Variants in LRRC43 observed in about 807,000 individuals in gnomAD.
LRRC43 encodes leucine rich repeat containing 43, also known as leucine-rich repeat-containing protein 43.
Under a neutral mutation model 64.3 loss-of-function variants are expected in LRRC43, and 62 were observed. The ratio of observed to expected loss-of-function variants is 0.96; its 90% CI spans 0.79 to 1.19. The LOEUF is 1.19. Among genes scored for constraint, LRRC43 ranks in the 50% most tolerant of loss-of-function variants. LRRC43 has a pLI of 0.00. For synonymous variants in LRRC43, 422 were observed against 382.3 expected (o/e 1.10, Z -1.21); for missense variants, 868 against 845.0 (o/e 1.03, Z -0.34).
intron 3 of LRRC43, among the ~76,000 whole-genome samples, chr12:122,186,657 A>G (rs980238926): frequency 2.6e-5 from 4 of 152,264 alleles, no homozygotes; most frequent in East Asian, 1.9e-4. Context: ...GGTGGCTCAC[A>G]CCTGTAATCC....
chr12:122,184,699 T>G lies in LRRC43; in HGVS notation c.331T>G (p.Leu111Val). ...SNAEDSFLRE[L>V]AIRNPLTITD... ...TGCAGAAGACAGTTTCCTGAGAGAA[T>G]TGGCCATCCGGAACCCGCTGACGAT... The change falls in exon 2 of 12, where the codon TTG becomes GTG. Residue 111 changes from leucine (L) to valine (V), a missense_variant. Transcript: ENST00000339777. This position sits in a 1 kb window ranked among gnomAD's most constrained non-coding sequence, Gnocchi z 4.0. 1 of 1,613,920 alleles carries G rather than the reference T, an allele frequency of 6.2e-7. No individual in the cohort carries two copies. The highest frequency in any genetic ancestry group is 1.1e-5 in the South Asian group (1 of 91,060).
Position 122,200,407 on chromosome 12 carries a change from C to G in LRRC43, c.1491+77C>G, listed in dbSNP as rs745320784. The G allele has an allele frequency of 6.0e-5, 96 of 1,607,408 alleles. No homozygotes were observed. Among genetic ancestry groups the G allele is most frequent in the Non-Finnish European group, 8.2e-5 (96 of 1,176,326 alleles). On this transcript the variant is annotated intron_variant, in intron 8 of 11. Coordinates refer to ENST00000339777, the MANE Select transcript of LRRC43 (RefSeq NM_001098519.2). The surrounding 1 kb of genome is among the most constrained non-coding windows in gnomAD (Gnocchi z 4.6). ...TGTTCCTGTTCCCATCGGGCTGTCC[C>G]CCATGGGAGCCGCACTCCCTGGTTA...
upstream of LRRC43, among the ~76,000 whole-genome samples, chr12:122,181,520 A>G (rs1191155161): frequency 6.7e-6 from 1 of 148,790 alleles, no homozygotes; most frequent in Non-Finnish European, 1.5e-5. Context: ...TCCAGCCTGG[A>G]CGGCAGAGGG....
chr12:122,200,984 A>G lies in LRRC43; in HGVS notation c.1809+50A>G. ...CTCCACCTCTGCCTTCGCCCTCCCC[A>G]TGGGAACCCCGCGGGCAAGCAAGGG... On this transcript the variant is annotated intron_variant, in intron 10 of 11. Coordinates refer to ENST00000339777, the MANE Select transcript of LRRC43 (RefSeq NM_001098519.2). The surrounding 1 kb of genome is among the most constrained non-coding windows in gnomAD (Gnocchi z 4.6). 1.3e-6 allele frequency: 2 copies of G among 1,530,002 alleles called. No homozygotes were observed. The highest frequency in any genetic ancestry group is 1.8e-6 in the Non-Finnish European group (2 of 1,138,586). 94.8% of individuals were successfully genotyped at this position (1,530,002 alleles called of 1,614,324 possible). A position where few individuals can be genotyped will look rare whatever the true frequency, so the allele number is the denominator to read the frequency against.
chr12:122,172,457 G>A (rs759993080), intron 1 of LRRC43: 18 of 1,613,972 alleles, frequency 1.1e-5, no homozygotes, highest in South Asian at 3.3e-5. Context: ...ATTTTAGTGC[G>A]AGGTCCATGC....
intron 1 of LRRC43, among the ~76,000 whole-genome samples, chr12:122,171,203 G>A (rs1183537715): frequency 2.0e-5 from 3 of 152,276 alleles, no homozygotes; most frequent in South Asian, 4.1e-4. Flanking sequence ...ACCACTGCCC[G>A]GGGAGGGTCA....
Position 122,203,404 on chromosome 12 carries a change from C to A in LRRC43, c.1933C>A (p.Arg645Ser). 2 of 1,612,314 alleles carry A rather than the reference C, an allele frequency of 1.2e-6. No individual in the cohort carries two copies. Among genetic ancestry groups the A allele is most frequent in the Non-Finnish European group, 1.7e-6 (2 of 1,179,626 alleles). ...GGTGCAGATCCAGCTGAACCAGTGCCGCTCGGCGGAGGAGGCTCTGCGCAT... is the reference window on the plus strand; with the variant it reads ...GGTGCAGATCCAGCTGAACCAGTGCAGCTCGGCGGAGGAGGCTCTGCGCAT... ...VEVQIQLNQC[R>S]SAEEALRMFA... The change falls in exon 12 of 12, where the codon CGC becomes AGC. Residue 645 changes from arginine (R) to serine (S), a missense_variant. Coordinates refer to ENST00000339777, the MANE Select transcript of LRRC43 (RefSeq NM_001098519.2).
At chr12:122,188,236 AG>A (rs1953670207) in intron 4 of LRRC43, among the ~76,000 whole-genome samples, 1 of 151,932 alleles carries the variant, frequency 6.6e-6, no homozygotes, top group Non-Finnish European at 1.5e-5. Flanking sequence ...CCTCCCGAGT[AG>A]CTGGGACTAC....
chr12:122,172,670 C>T (rs746218837), intron 1 of LRRC43: 8 of 1,613,902 alleles, frequency 5.0e-6, no homozygotes, highest in East Asian at 2.2e-5. Context: ...TGTTGTTTGG[C>T]GGCTGGGCGT....
intron 6 of LRRC43, among the ~76,000 whole-genome samples, chr12:122,192,532 A>T (rs1371413481): frequency 6.6e-6 from 1 of 152,180 alleles, no homozygotes; most frequent in Non-Finnish European, 1.5e-5. Flanking sequence ...TCCTCCTCCC[A>T]CATAGAAGTG....
At chr12:122,188,229 CCCGAG>C (rs1211153390) in intron 4 of LRRC43, among the ~76,000 whole-genome samples, 1 of 152,080 alleles carries the variant, frequency 6.6e-6, no homozygotes, top group Non-Finnish European at 1.5e-5. Flanking sequence ...GCCTCAGCCT[CCCGAG>C]TAGCTGGGAC....
chr12:122,181,014 G>A (rs1170966280), upstream of LRRC43, among the ~76,000 whole-genome samples: 3 of 151,380 alleles, frequency 2.0e-5, no homozygotes, highest in African/African-American at 7.3e-5. Flanking sequence ...TCAGGAATTC[G>A]AGACCAGCCT....
chr12:122,200,864 C>T lies in LRRC43; in HGVS notation c.1739C>T (p.Pro580Leu), dbSNP rs746169489. The change falls in exon 10 of 12, where the codon CCC becomes CTC. Residue 580 changes from proline (P) to leucine (L), a missense_variant. Coordinates refer to ENST00000339777, the MANE Select transcript of LRRC43 (RefSeq NM_001098519.2). The surrounding 1 kb of genome is among the most constrained non-coding windows in gnomAD (Gnocchi z 4.6). ...CTGGAGCCCCTGCTCGCCGGGGAGC[C>T]CCTGGTGTCCACCGTGTGCAACTTC... ...VILEPLLAGE[P>L]LVSTVCNFGV... The T allele has an allele frequency of 1.9e-6, 3 of 1,612,914 alleles. No individual in the cohort carries two copies. The highest frequency in any genetic ancestry group is 1.1e-5 in the South Asian group (1 of 91,044).
rs1566006133 is a variant in LRRC43 at position 122,183,165 on chromosome 12, C to CGAGTCCGAGTCCGAGTCT, written c.25_42dup (p.Ser9_Glu14dup). The CGAGTCCGAGTCCGAGTCT allele has an allele frequency of 6.5e-7, 1 of 1,550,192 alleles. No individual in the cohort carries two copies. Among genetic ancestry groups the CGAGTCCGAGTCCGAGTCT allele is most frequent in the South Asian group, 1.2e-5 (1 of 85,330 alleles). ...GGGCCATGGAGGCGTCGTACGAGTC[C>CGAGTCCGAGTCCGAGTCT]GAGTCCGAGTCCGAGTCTGAGGCCG... On this transcript the variant is annotated inframe_insertion, in exon 1 of 12. Transcript: ENST00000339777.
In LRRC43 at chr12:122,192,847, G is replaced by A. The variant is rs372117232; in HGVS notation, c.1192G>A (p.Val398Ile). The change falls in exon 7 of 12, where the codon GTC becomes ATC. Residue 398 changes from valine to isoleucine, a missense_variant. Coordinates refer to ENST00000339777, the MANE Select transcript of LRRC43 (RefSeq NM_001098519.2). The part of the protein sequence containing the change: ...EDIVEEVTEE[V>I]EGSLESEVEE... Reference sequence around the variant, plus strand: ...CATTGTTGAAGAGGTTACTGAAGAGGTCGAAGGGTCTCTGGAGTCTGAGGT... The same window carrying A: ...CATTGTTGAAGAGGTTACTGAAGAGATCGAAGGGTCTCTGGAGTCTGAGGT... 3.7e-6 allele frequency: 6 copies of A among 1,614,190 alleles called. No individual in the cohort carries two copies. Among genetic ancestry groups the A allele is most frequent in the Non-Finnish European group, 4.2e-6 (5 of 1,180,042 alleles).
chr12:122,167,847 C>G (rs985026561), intron 1 of LRRC43: 4 of 149,330 alleles, frequency 2.7e-5, no homozygotes, highest in African/African-American at 9.9e-5. Context: ...TGGAGTCTCA[C>G]TCTGTTGCCC....
In LRRC43 at chr12:122,190,195, G is replaced by C. The variant is rs558151255; in HGVS notation, c.728G>C (p.Ser243Thr). 1.9e-6 allele frequency: 3 copies of C among 1,614,156 alleles called. No homozygotes were observed. The South Asian group carries it at 3.3e-5, about 18-fold the overall frequency. The change falls in exon 5 of 12, where the codon AGC becomes ACC. Residue 243 changes from serine to threonine, a missense_variant. By Grantham distance (58) the Ser-to-Thr change is moderately conservative. Transcript: ENST00000339777. ...DLTDLQSMVT[S>T]LRTLRHLRLL... is the part of the protein sequence containing the mutation. Reference sequence around the variant, plus strand: ...ACAGACCTGCAGAGCATGGTCACCAGCCTGAGGACCCTCCGGCACCTGCGA... The same window carrying C: ...ACAGACCTGCAGAGCATGGTCACCACCCTGAGGACCCTCCGGCACCTGCGA...
At chr12:122,168,811 C>G (rs981743393) in intron 1 of LRRC43, among the ~76,000 whole-genome samples, 1 of 152,104 alleles carries the variant, frequency 6.6e-6, no homozygotes, top group Non-Finnish European at 1.5e-5. Flanking sequence ...AGAGTCAGTC[C>G]AAGTTCCCAC....
chr12:122,203,089 T>C (rs1200690354), intron 11 of LRRC43, among the ~76,000 whole-genome samples: 2 of 152,178 alleles, frequency 1.3e-5, no homozygotes, highest in African/African-American at 2.4e-5. Context: ...CGACACTGTC[T>C]CAAAGCAAAA....
Sources: allele counts gnomAD v4.1 joint callset (sites outside exome capture counted in the v4.1 genomes callset), GRCh38; gene constraint gnomAD v4.1.1; non-coding constraint Gnocchi (gnomAD v3.1); transcripts MANE v1.5; gene names NCBI Gene and HGNC (gene_info 2026-07-23, HGNC 2026-07-21).